The following ALOX5AP variants were observed in gnomAD, a reference collection of about 807,000 sequenced individuals.
ALOX5AP encodes arachidonate 5-lipoxygenase-activating protein.
In ALOX5AP, 9 loss-of-function variants were observed where a neutral mutation model predicts 18.5. The observed-to-expected ratio is 0.49, with a 90% CI of 0.29 to 0.85. ALOX5AP has a LOEUF of 0.85. ALOX5AP is among the 40% of genes least tolerant of loss of function. The pLI, the probability that ALOX5AP is intolerant of heterozygous loss-of-function variation, is 0.08. For synonymous variants in ALOX5AP, 81 were observed against 78.6 expected (o/e 1.03, Z -0.16); for missense variants, 172 against 202.5 (o/e 0.85, Z 0.91).
At chr13:30,732,084 C>T (rs890325358), upstream of ALOX5AP, among the ~76,000 whole-genome samples, 1 of 152,378 alleles carries the variant, frequency 6.6e-6, no homozygotes, top group Non-Finnish European at 1.5e-5. Context: ...ACGCTCTTCT[C>T]GGGTGAAGTG....
At chr13:30,732,214 C>T (rs1010867007), upstream of ALOX5AP, among the ~76,000 whole-genome samples, 7 of 152,176 alleles carry the variant, frequency 4.6e-5, no homozygotes, top group Non-Finnish European at 7.3e-5. Context: ...TTCTAAAGCG[C>T]GAATGGCTGG....
intron 1 of ALOX5AP, among the ~76,000 whole-genome samples, chr13:30,726,158 C>T (rs1951638003): frequency 6.6e-6 from 1 of 152,166 alleles, no homozygotes; most frequent in Admixed American, 6.5e-5. Flanking sequence ...TCAGGGAATA[C>T]AATGGTGGTT....
intron 2 of ALOX5AP, among the ~76,000 whole-genome samples, chr13:30,749,267 T>C (rs1306757778): frequency 1.3e-5 from 2 of 152,170 alleles, no homozygotes; most frequent in Non-Finnish European, 2.9e-5. Context: ...ATTAAGAATT[T>C]TTTTCCTTTT....
chr13:30,744,028 A>G (rs201168290), intron 1 of ALOX5AP, 32 bp from the exon 2 acceptor site: 13 of 1,586,844 alleles, frequency 8.2e-6, no homozygotes, highest in South Asian at 1.1e-5. Context: ...CATGCCCACA[A>G]TGAACCAGAT....
intron 1 of ALOX5AP, among the ~76,000 whole-genome samples, chr13:30,739,591 C>G (rs781605901): frequency 6.6e-6 from 1 of 152,180 alleles, no homozygotes; most frequent in East Asian, 1.9e-4. Context: ...TGTGCCACCA[C>G]GCCCAGCTAA....
chr13:30,733,591 C>G (rs749029880), upstream of ALOX5AP, among the ~76,000 whole-genome samples: 1 of 152,288 alleles, frequency 6.6e-6, no homozygotes, highest in Non-Finnish European at 1.5e-5. Flanking sequence ...ATTGATTGAG[C>G]TAAAAAATGC....
chr13:30,755,515 G>C (rs1163215615), intron 3 of ALOX5AP, among the ~76,000 whole-genome samples: 4 of 152,166 alleles, frequency 2.6e-5, no homozygotes, highest in Non-Finnish European at 4.4e-5. Context: ...AAATACCTTG[G>C]AAACCAGGAG....
At chr13:30,730,374 G>A (rs1314795769) in intron 1 of ALOX5AP, among the ~76,000 whole-genome samples, 1 of 152,224 alleles carries the variant, frequency 6.6e-6, no homozygotes, top group Non-Finnish European at 1.5e-5. Context: ...CCATTGGCAT[G>A]TGACATCTGG....
chr13:30,741,391 C>CT (rs34793607), intron 1 of ALOX5AP, among the ~76,000 whole-genome samples: 38,963 of 128,684 alleles, frequency 0.3, 6,236 homozygotes, highest in East Asian at 0.47. Flanking sequence ...CTTGTTTTGT[C>CT]TTTTTTTTTT....
intron 1 of ALOX5AP, among the ~76,000 whole-genome samples, chr13:30,723,232 C>T (rs1283745456): frequency 6.6e-6 from 1 of 152,176 alleles, no homozygotes; most frequent in Non-Finnish European, 1.5e-5. Flanking sequence ...TAAGGAGATA[C>T]AAGAAGCAGA....
intron 2 of ALOX5AP, among the ~76,000 whole-genome samples, chr13:30,749,881 G>T (rs1226020434): frequency 2.6e-5 from 4 of 152,166 alleles, no homozygotes; most frequent in African/African-American, 7.2e-5. Flanking sequence ...TGGGTTCTCT[G>T]CAGGGCACAG....
rs1951789309 is a variant in ALOX5AP at position 30,744,119 on chromosome 13, A to G, written c.130A>G (p.Arg44Gly). 2.5e-6 allele frequency: 4 copies of G among 1,614,064 alleles called. No individual in the cohort carries two copies. The highest frequency in any genetic ancestry group is 2.5e-6 in the Non-Finnish European group (3 of 1,179,968). Residue 44 changes from arginine (R) to glycine (G), a missense_variant, in exon 2 of 5, where the codon AGG becomes GGG. Arg to Gly is a moderately radical substitution (Grantham distance 125). Transcript: ENST00000380490. ...SRTQNGRSFQRTGTLAFERVY... is the reference protein window; with the variant it reads ...SRTQNGRSFQGTGTLAFERVY... Reference sequence around the variant, plus strand: ...GACCCAGAATGGGAGGAGCTTCCAGAGGACCGGAACACTTGCCTTTGAGCG... The same window carrying G: ...GACCCAGAATGGGAGGAGCTTCCAGGGGACCGGAACACTTGCCTTTGAGCG...
intron 1 of ALOX5AP, among the ~76,000 whole-genome samples, chr13:30,714,144 C>G (rs796925119): frequency 4.0e-5 from 6 of 151,124 alleles, no homozygotes; most frequent in African/African-American, 1.5e-4. Context: ...ACTCCTAGCC[C>G]TGGCTCTTTA....
intron 1 of ALOX5AP, among the ~76,000 whole-genome samples, chr13:30,715,054 C>G (rs1331170130): frequency 1.3e-5 from 2 of 152,172 alleles, no homozygotes; most frequent in Admixed American, 1.3e-4. Flanking sequence ...GGTTCACTGC[C>G]TTGCTCCTTC....
chr13:30,720,119 C>G (rs1238452257), intron 1 of ALOX5AP, among the ~76,000 whole-genome samples: 1 of 152,204 alleles, frequency 6.6e-6, no homozygotes, highest in Admixed American at 6.5e-5. Context: ...CTCGGCCTCC[C>G]AAAGTGCTGG....
chr13:30,733,166 A>C (rs939944975), upstream of ALOX5AP, among the ~76,000 whole-genome samples: 4 of 151,784 alleles, frequency 2.6e-5, no homozygotes, highest in Admixed American at 1.3e-4. Flanking sequence ...CTCAAAAAAA[A>C]AAAAAAAAAA....
At chr13:30,717,750 T>C (rs754849222) in intron 1 of ALOX5AP, among the ~76,000 whole-genome samples, 5 of 152,144 alleles carry the variant, frequency 3.3e-5, no homozygotes, top group Non-Finnish European at 7.4e-5. Flanking sequence ...TATCAGCCTC[T>C]ACATGTTCAG....
chr13:30,752,021 T>C lies in ALOX5AP; in HGVS notation c.171-31T>C, dbSNP rs1469010408. Reference sequence around the variant, plus strand: ...CACATTGCACTAACTTGGTCTCTGATTGTTTTTCTCCTTGTTTGTTTATTC... The same window carrying C: ...CACATTGCACTAACTTGGTCTCTGACTGTTTTTCTCCTTGTTTGTTTATTC... On this transcript the variant is annotated intron_variant, in intron 2 of 4. Coordinates refer to ENST00000380490, the MANE Select transcript of ALOX5AP (RefSeq NM_001629.4). The C allele has an allele frequency of 3.1e-6, 5 of 1,607,298 alleles. No homozygotes were observed. The South Asian group carries it at 3.3e-5, about 11-fold the overall frequency.
intron 4 of ALOX5AP, among the ~76,000 whole-genome samples, chr13:30,756,532 G>A (rs1951895715): frequency 6.6e-6 from 1 of 152,158 alleles, no homozygotes; most frequent in East Asian, 1.9e-4. Flanking sequence ...ATGACAGCAG[G>A]GTGCAGCGGC....
Sources: allele counts gnomAD v4.1 joint callset (sites outside exome capture counted in the v4.1 genomes callset), GRCh38; gene constraint gnomAD v4.1.1; transcripts MANE v1.5; gene names NCBI Gene and HGNC (gene_info 2026-07-23, HGNC 2026-07-21).